The following PSD3 variants were observed in gnomAD, a reference collection of about 807,000 sequenced individuals.
PSD3 encodes pleckstrin and Sec7 domain containing 3, also known as PH and SEC7 domain-containing protein 3.
Under a neutral mutation model 105.5 loss-of-function variants are expected in PSD3, and 49 were observed. The observed-to-expected ratio is 0.46, with a 90% CI of 0.37 to 0.59. The LOEUF is 0.59. Among genes scored for constraint, PSD3 ranks in the 20% least tolerant of loss-of-function variants. The pLI, the probability that PSD3 is intolerant of heterozygous loss-of-function variation, is 0.00. For missense variants in PSD3, 1,561 were observed against 1,263.8 expected (o/e 1.24, Z -3.57); for synonymous variants, 557 against 457.8 (o/e 1.22, Z -2.77).
intron 1 of PSD3, among the ~76,000 whole-genome samples, chr8:18,982,463 C>T (rs1380239917): frequency 1.3e-5 from 2 of 152,102 alleles, no homozygotes; most frequent in African/African-American, 4.8e-5. Context: ...TTTCAGAAGG[C>T]TTTCAATTGA....
intron 2 of PSD3, 126 bp downstream of exon 2, chr8:18,935,908 A>G: frequency 3.4e-6 from 2 of 594,220 alleles, no homozygotes; most frequent in Non-Finnish European, 6.0e-6. Flanking sequence ...GATTGTTTTG[A>G]TGAATAATTA....
At chr8:19,050,258 A>C (rs1586668483) in intron 1 of PSD3, among the ~76,000 whole-genome samples, 1 of 152,166 alleles carries the variant, frequency 6.6e-6, no homozygotes, top group Admixed American at 6.5e-5. Flanking sequence ...CAGAAAAAGA[A>C]CTAGCCACAA....
chr8:18,888,420 G>A (rs138385681), intron 2 of PSD3, among the ~76,000 whole-genome samples: 9 of 151,688 alleles, frequency 5.9e-5, no homozygotes, highest in East Asian at 3.9e-4. Flanking sequence ...TCTGGATTCC[G>A]TCACTTTCCA....
chr8:18,632,517 A>G, intron 11 of PSD3, 96 bp downstream of exon 11: 3 of 1,358,262 alleles, frequency 2.2e-6, no homozygotes, highest in South Asian at 1.3e-5. Context: ...AGATAAACAT[A>G]ATTTTTTCAT....
chr8:18,633,473 A>G (rs1293041892), intron 10 of PSD3, among the ~76,000 whole-genome samples: 1 of 152,012 alleles, frequency 6.6e-6, no homozygotes, highest in East Asian at 1.9e-4. Flanking sequence ...ATGTGTACCC[A>G]ATGTTTAGCT....
intron 4 of PSD3, among the ~76,000 whole-genome samples, chr8:18,841,526 G>A (rs375540308): frequency 6.6e-6 from 1 of 151,920 alleles, no homozygotes; most frequent in Non-Finnish European, 1.5e-5. Context: ...CTAGCATGGA[G>A]AGAGCAGACG....
chr8:19,030,686 C>G (rs1256441507), intron 1 of PSD3, among the ~76,000 whole-genome samples: 3 of 152,088 alleles, frequency 2.0e-5, no homozygotes, highest in African/African-American at 7.2e-5. Flanking sequence ...AACTGTGAAC[C>G]AATTAAACCT....
chr8:18,802,297 CTGTT>C (rs1453780321), intron 6 of PSD3: 2 of 405,270 alleles, frequency 4.9e-6, no homozygotes, highest in African/African-American at 4.1e-5. Context: ...ACTAAGAGCA[CTGTT>C]TATTTGAGAT....
chr8:18,555,146 C>T (rs533883643), intron 15 of PSD3, among the ~76,000 whole-genome samples: 7 of 151,966 alleles, frequency 4.6e-5, no homozygotes, highest in Admixed American at 1.3e-4. Flanking sequence ...GAAAAACAAC[C>T]GGCCAAAGGA....
At chr8:18,981,806 A>G (rs1825266005) in intron 1 of PSD3, among the ~76,000 whole-genome samples, 1 of 152,306 alleles carries the variant, frequency 6.6e-6, no homozygotes, top group African/African-American at 2.4e-5. Flanking sequence ...AATACTGACA[A>G]TCATCTGAGG....
chr8:18,712,204 A>C (rs899750683), intron 9 of PSD3, among the ~76,000 whole-genome samples: 5 of 152,104 alleles, frequency 3.3e-5, no homozygotes, highest in Admixed American at 3.3e-4. Flanking sequence ...CTAACATCAC[A>C]ACTAAAAGAA....
chr8:19,035,979 T>C (rs1378850866), intron 1 of PSD3, among the ~76,000 whole-genome samples: 1 of 152,136 alleles, frequency 6.6e-6, no homozygotes, highest in Non-Finnish European at 1.5e-5. Context: ...AGTCTTGAAC[T>C]CCTGGACTCA....
chr8:18,854,160 T>A (rs192082881), intron 4 of PSD3: 2 of 152,626 alleles, frequency 1.3e-5, no homozygotes, highest in Admixed American at 1.3e-4. Context: ...TCCCATTCCA[T>A]CTGCTCAGCA....
At chr8:18,800,221 T>C (rs1355175229) in intron 7 of PSD3, among the ~76,000 whole-genome samples, 1 of 152,216 alleles carries the variant, frequency 6.6e-6, no homozygotes, top group Admixed American at 6.5e-5. Flanking sequence ...ATTCTTAGAT[T>C]TGAAGAAGGT....
At chr8:18,607,323 A>G (rs1804911576) in intron 11 of PSD3, among the ~76,000 whole-genome samples, 1 of 152,180 alleles carries the variant, frequency 6.6e-6, no homozygotes, top group South Asian at 2.1e-4. Flanking sequence ...AGAAGTAGTA[A>G]TAGCACAGCA....
intron 2 of PSD3, among the ~76,000 whole-genome samples, chr8:18,898,424 G>A (rs1819290568): frequency 6.6e-6 from 1 of 151,980 alleles, no homozygotes; most frequent in African/African-American, 2.4e-5. Flanking sequence ...GACTACATTT[G>A]CTTGCTTTTG....
At chr8:18,814,974 T>C (rs963366905) in intron 4 of PSD3, among the ~76,000 whole-genome samples, 8 of 152,176 alleles carry the variant, frequency 5.3e-5, no homozygotes, top group African/African-American at 1.9e-4. Flanking sequence ...CTTAAACAGT[T>C]TGTTTAGTGT....
chr8:18,714,651 G>C (rs1257732847), intron 9 of PSD3, among the ~76,000 whole-genome samples: 1 of 152,222 alleles, frequency 6.6e-6, no homozygotes, highest in Non-Finnish European at 1.5e-5. Flanking sequence ...TGAGGCTTTG[G>C]AAAAACAGCA....
chr8:18,724,563 G>A (rs1803216724), intron 9 of PSD3, among the ~76,000 whole-genome samples: 1 of 152,052 alleles, frequency 6.6e-6, no homozygotes, highest in African/African-American at 2.4e-5. Context: ...AGTGAGCTAT[G>A]ATCACTCCAT....
Sources: gnomAD v4.1 joint callset for allele counts (sites outside exome capture counted in the v4.1 genomes callset) on GRCh38, gnomAD v4.1.1 for gene constraint, MANE v1.5 for transcripts, NCBI Gene and HGNC (gene_info 2026-07-23, HGNC 2026-07-21) for gene names.